Variants in SOX5 observed in about 807,000 individuals in gnomAD.
SOX5 encodes the protein SRY-box transcription factor 5, also known as transcription factor SOX-5.
A neutral mutation model predicts 92.0 loss-of-function variants in SOX5; 9 were observed. That is an observed-to-expected ratio of 0.10 (90% CI 0.06 to 0.17). SOX5 has a LOEUF of 0.17. Among genes scored for constraint, SOX5 ranks in the 10% least tolerant of loss-of-function variants. The pLI is 1.00. For missense variants in SOX5, 642 were observed against 944.5 expected (o/e 0.68, Z 4.20); for synonymous variants, 344 against 336.3 (o/e 1.02, Z -0.25).
chr12:23,624,378 A>G (rs2077520587), intron 8 of SOX5, among the ~76,000 whole-genome samples: 1 of 152,216 alleles, frequency 6.6e-6, no homozygotes, highest in South Asian at 2.1e-4. Flanking sequence ...AAAGAAACCT[A>G]CAGAGGATTC....
chr12:23,971,101 T>C lies in SOX5; in HGVS notation c.-1-75077A>G, dbSNP rs188257220. ...ATTATTTAGTAGTAGTACAGCCATC[T>C]GAGTAGGTGTGTCAGCTGACTTTTT... is the stretch of plus-strand genomic sequence containing the variant. On this transcript the variant is annotated intron_variant, in intron 4 of 4. Transcript: ENST00000446891. Among the ~76,000 whole-genome samples the C allele has an allele frequency of 6.1e-3, 844 of 137,508 alleles. 9 individuals carry two copies. The highest frequency in any genetic ancestry group is 0.021 in the African/African-American group (800 of 37,682). The allele number at this position is 137,508 out of a possible 152,430, so 90.2% of individuals were successfully genotyped here.
intron 3 of SOX5, among the ~76,000 whole-genome samples, chr12:23,788,327 T>C (rs1350020944): frequency 6.6e-6 from 1 of 152,000 alleles, no homozygotes; most frequent in East Asian, 1.9e-4. Context: ...TACAGTTTTA[T>C]GATGTCCATC....
chr12:23,856,622 C>A (rs1459295318), intron 2 of SOX5, among the ~76,000 whole-genome samples: 5 of 152,092 alleles, frequency 3.3e-5, no homozygotes, highest in Non-Finnish European at 7.4e-5. Flanking sequence ...TAAGCTTCCT[C>A]AACTGATTCA....
At chr12:24,060,677 C>T (rs972587025) in intron 4 of SOX5, among the ~76,000 whole-genome samples, 1 of 152,094 alleles carries the variant, frequency 6.6e-6, no homozygotes, top group African/African-American at 2.4e-5. Flanking sequence ...TTCTCAGCCT[C>T]GAGGATGGGT....
At chr12:23,982,648 T>C (rs1296268569) in intron 4 of SOX5, among the ~76,000 whole-genome samples, 2 of 152,012 alleles carry the variant, frequency 1.3e-5, no homozygotes, top group South Asian at 2.1e-4. Flanking sequence ...AGTAGAATTG[T>C]CCAGTAGAAA....
At chr12:24,493,603 G>T (rs111960301) in intron 1 of SOX5, among the ~76,000 whole-genome samples, 1 of 152,066 alleles carries the variant, frequency 6.6e-6, no homozygotes, top group African/African-American at 2.4e-5. Flanking sequence ...GGTGGCTCAC[G>T]CCTGTAATCC....
intron 4 of SOX5, among the ~76,000 whole-genome samples, chr12:24,067,076 G>A (rs1940869680): frequency 6.6e-6 from 1 of 152,134 alleles, no homozygotes; most frequent in South Asian, 2.1e-4. Flanking sequence ...AGAATTTAAT[G>A]CTTCCATAAA....
intron 4 of SOX5, among the ~76,000 whole-genome samples, chr12:23,977,904 G>A (rs889269561): frequency 5.3e-5 from 8 of 152,142 alleles, no homozygotes; most frequent in Admixed American, 5.2e-4. Flanking sequence ...CGCTGGCCTG[G>A]TTAGGCAAAC....
intron 4 of SOX5, among the ~76,000 whole-genome samples, chr12:23,959,773 G>A (rs534488029): frequency 6.6e-6 from 1 of 152,238 alleles, no homozygotes; most frequent in Admixed American, 6.5e-5. Context: ...CCTTAAATAA[G>A]ATGAAAGATG....
intron 7 of SOX5, among the ~76,000 whole-genome samples, chr12:23,654,200 A>T (rs2082031302): frequency 6.6e-6 from 1 of 152,126 alleles, no homozygotes; most frequent in Non-Finnish European, 1.5e-5. Flanking sequence ...GGTAGGAGGA[A>T]ATCAGGACCC....
chr12:24,409,601 T>C (rs1963685351), intron 1 of SOX5, among the ~76,000 whole-genome samples: 1 of 152,196 alleles, frequency 6.6e-6, no homozygotes, highest in African/African-American at 2.4e-5. Context: ...CAGATGAATG[T>C]TGTTTTTTCC....
At chr12:24,370,197 G>A (rs994601312) in intron 1 of SOX5, among the ~76,000 whole-genome samples, 54 of 152,238 alleles carry the variant, frequency 3.5e-4, no homozygotes, top group African/African-American at 1.2e-3. Flanking sequence ...GTTTTTGGCC[G>A]TGCGCGGTGG....
rs1025624431 is a variant in SOX5, at chr12:23,859,847, T to C, written c.271-13654A>G. Among the ~76,000 whole-genome samples the C allele has an allele frequency of 3.9e-5, 6 of 152,238 alleles. No homozygotes were observed. The East Asian group carries it at 5.8e-4, about 15-fold the overall frequency. On this transcript the variant is annotated intron_variant, in intron 2 of 14. Transcript: ENST00000451604. ...ATAGAAAAGAACCTACATTGAAATA[T>C]TGGGGACTGGTTCCCCCAATAGTTC...
At chr12:23,677,096 T>C (rs960092498) in intron 6 of SOX5, among the ~76,000 whole-genome samples, 1 of 152,216 alleles carries the variant, frequency 6.6e-6, no homozygotes, top group Non-Finnish European at 1.5e-5. Context: ...ATACAATGGA[T>C]CTTAGGCTTT....
chr12:24,557,400 CAA>C (rs36026440), intron 1 of SOX5, among the ~76,000 whole-genome samples: 4 of 105,532 alleles, frequency 3.8e-5, no homozygotes, highest in Non-Finnish European at 5.2e-5. Context: ...GACTTCATTT[CAA>C]AAAAAAAAAA....
chr12:24,106,770 C>T (rs1276003454), intron 4 of SOX5, among the ~76,000 whole-genome samples: 1 of 148,336 alleles, frequency 6.7e-6, no homozygotes, highest in African/African-American at 2.5e-5. Flanking sequence ...CCAGCCTGGG[C>T]AACAGAGTGA....
intron 2 of SOX5, among the ~76,000 whole-genome samples, chr12:24,318,536 C>T (rs1949921166): frequency 6.6e-6 from 1 of 152,136 alleles, no homozygotes; most frequent in Non-Finnish European, 1.5e-5. Flanking sequence ...ATGCTTTTAT[C>T]TTGTTTAAGC....
intron 4 of SOX5, among the ~76,000 whole-genome samples, chr12:23,979,697 T>TG (rs1949310006): frequency 1.3e-5 from 1 of 75,168 alleles, no homozygotes; most frequent in African/African-American, 5.0e-5. Context: ...TATATATATA[T>TG]GTTTTTTTTG....
chr12:24,042,440 G>A (rs1040670835), intron 4 of SOX5, among the ~76,000 whole-genome samples: 5 of 152,042 alleles, frequency 3.3e-5, no homozygotes, highest in African/African-American at 4.8e-5. Context: ...TGTATCAAGC[G>A]TGTTACACTA....
Sources: gnomAD v4.1 joint callset for allele counts (sites outside exome capture counted in the v4.1 genomes callset) on GRCh38, gnomAD v4.1.1 for gene constraint, MANE v1.5 for transcripts, NCBI Gene and HGNC (gene_info 2026-07-23, HGNC 2026-07-21) for gene names.